The following DMD variants were observed in gnomAD, a reference collection of about 807,000 sequenced individuals.
The protein encoded by DMD is mutant dystrophin.
DMD carries 63 observed loss-of-function variants against 330.1 expected under a neutral mutation model. The ratio of observed to expected loss-of-function variants is 0.19; its 90% CI spans 0.16 to 0.24. The LOEUF (loss-of-function observed/expected upper bound fraction) is 0.24. DMD is among the 10% of genes least tolerant of loss of function. The pLI is 1.00. For synonymous variants in DMD, 1,223 were observed against 959.8 expected (o/e 1.27, Z -5.07); for missense variants, 3,344 against 2,684.1 (o/e 1.25, Z -5.43).
intron 7 of DMD, among the ~76,000 whole-genome samples, chrX:32,787,255 A>T (rs866097295): frequency 8.4e-4 from 87 of 103,171 alleles, no homozygotes; most frequent in African/African-American, 3.2e-3. Context: ...TGTGAGAGAG[A>T]GAGAGAGAGA....
intron 7 of DMD, among the ~76,000 whole-genome samples, chrX:32,780,823 A>G (rs924948598): frequency 1.8e-5 from 2 of 110,604 alleles, no homozygotes; most frequent in African/African-American, 6.6e-5. Context: ...CATTTGTTGT[A>G]CATTAAAAAA....
intron 16 of DMD, among the ~76,000 whole-genome samples, chrX:32,557,453 C>A (rs887554570): frequency 6.3e-5 from 7 of 111,903 alleles, no homozygotes; most frequent in Non-Finnish European, 1.9e-5. Flanking sequence ...AGTCAAAATA[C>A]ACTACACACA....
chrX:32,813,096 T>C (rs1718249743), intron 6 of DMD, among the ~76,000 whole-genome samples: 1 of 111,837 alleles, frequency 8.9e-6, no homozygotes. Flanking sequence ...ACTGAGTGTG[T>C]GGATATCTTA....
intron 43 of DMD, among the ~76,000 whole-genome samples, chrX:32,273,102 C>A (rs1390513499): frequency 9.0e-6 from 1 of 110,646 alleles, no homozygotes; most frequent in Non-Finnish European, 1.9e-5. Context: ...TATGGAGAAA[C>A]AGAAGAGTAG....
In DMD at chrX:31,169,528, T is replaced by C; in HGVS notation, c.10468A>G (p.Ser3490Gly). The change falls in exon 74 of 79, where the codon AGT becomes GGT. Residue 3490 changes from serine to glycine, a missense_variant. Coordinates refer to ENST00000357033, the MANE Select transcript of DMD (RefSeq NM_004006.3). ...AAGGAAATCAAGATCTGGGCAGGACTACGAGGCTGGCTCAGGGGGGAGTCC... is the reference window on the plus strand; with the variant it reads ...AAGGAAATCAAGATCTGGGCAGGACCACGAGGCTGGCTCAGGGGGGAGTCC... ...NQDSPLSQPR[S>G]PAQILISLES... 1 of 1,204,808 alleles carries C rather than the reference T, an allele frequency of 8.3e-7. No homozygotes were observed. The highest frequency in any genetic ancestry group is 1.1e-6 in the Non-Finnish European group (1 of 890,185).
chrX:32,443,283 T>C (rs1198415248), intron 27 of DMD, among the ~76,000 whole-genome samples: 1 of 111,320 alleles, frequency 9.0e-6, no homozygotes, highest in Non-Finnish European at 1.9e-5. Context: ...GTATTCGATC[T>C]CTATCTGATG....
chrX:31,715,542 CAAAAAA>C (rs34808252), intron 52 of DMD, among the ~76,000 whole-genome samples: 1 of 50,527 alleles, frequency 2.0e-5, no homozygotes, highest in Non-Finnish European at 3.6e-5. Flanking sequence ...AACTCCGTCT[CAAAAAA>C]AAAAAAAAAA....
chrX:31,761,526 A>G (rs2089590874), intron 51 of DMD, among the ~76,000 whole-genome samples: 1 of 112,224 alleles, frequency 8.9e-6, no homozygotes, highest in Non-Finnish European at 1.9e-5. Context: ...TAGAACTGGT[A>G]ATGTTTTTAT....
intron 7 of DMD, among the ~76,000 whole-genome samples, chrX:32,775,612 G>T (rs1469812821): frequency 1.8e-5 from 2 of 113,087 alleles, no homozygotes; most frequent in African/African-American, 6.4e-5. Flanking sequence ...GCCAAGGCTG[G>T]AGCTGAAGCA....
chrX:32,078,358 A>G (rs990664621), intron 44 of DMD, among the ~76,000 whole-genome samples: 3 of 111,897 alleles, frequency 2.7e-5, no homozygotes, highest in South Asian at 7.4e-4. Context: ...AGCCACTATC[A>G]TCTCTCACAC....
chrX:32,589,631 C>T (rs1179481865), intron 13 of DMD, among the ~76,000 whole-genome samples: 2 of 111,076 alleles, frequency 1.8e-5, no homozygotes, highest in African/African-American at 3.3e-5. Flanking sequence ...AAGTCAGACC[C>T]TTTGTATCTC....
chrX:32,584,628 T>C (rs1305424617), intron 13 of DMD, among the ~76,000 whole-genome samples: 2 of 112,157 alleles, frequency 1.8e-5, no homozygotes, highest in East Asian at 2.8e-4. Context: ...ATAGTGAATC[T>C]CACAAATATA....
chrX:32,012,119 G>T (rs1163910915), intron 44 of DMD, among the ~76,000 whole-genome samples: 1 of 111,820 alleles, frequency 8.9e-6, no homozygotes, highest in Non-Finnish European at 1.9e-5. Flanking sequence ...CTGAAATATT[G>T]CAATAGCCTA....
intron 2 of DMD, among the ~76,000 whole-genome samples, chrX:32,898,192 T>A (rs1476015537): frequency 8.9e-6 from 1 of 111,783 alleles, no homozygotes; most frequent in Non-Finnish European, 1.9e-5. Context: ...GACACTGGCG[T>A]TTTGGAAGTC....
chrX:31,664,529 C>CTTTTTTTTTTT (rs57706460), intron 53 of DMD, among the ~76,000 whole-genome samples: 2 of 63,786 alleles, frequency 3.1e-5, no homozygotes, highest in African/African-American at 6.9e-5. Context: ...AGTGTTCAAG[C>CTTTTTTTTTTT]TTTTTTTTTT....
intron 7 of DMD, among the ~76,000 whole-genome samples, chrX:32,779,280 A>T (rs1361683480): frequency 1.8e-5 from 2 of 109,404 alleles, no homozygotes; most frequent in Non-Finnish European, 3.8e-5. Flanking sequence ...TCATTACTAG[A>T]TGGGAACTGA....
At chrX:32,680,605 T>C (rs917126486) in intron 9 of DMD, among the ~76,000 whole-genome samples, 1 of 112,571 alleles carries the variant, frequency 8.9e-6, no homozygotes, top group Admixed American at 9.4e-5. Flanking sequence ...TCTCAAATTA[T>C]GAATGCCCAA....
chrX:31,250,008 A>G (rs1416192496), intron 63 of DMD, among the ~76,000 whole-genome samples: 1 of 110,476 alleles, frequency 9.1e-6, no homozygotes, highest in Non-Finnish European at 1.9e-5. Flanking sequence ...TTCCTTTTTG[A>G]CCACAGAGAA....
chrX:32,730,226 A>T (rs775971167), intron 7 of DMD, among the ~76,000 whole-genome samples: 1 of 112,341 alleles, frequency 8.9e-6, no homozygotes, highest in African/African-American at 3.2e-5. Flanking sequence ...TACACCTGCA[A>T]TTCTAGTTAC....
Sources: allele counts gnomAD v4.1 joint callset (sites outside exome capture counted in the v4.1 genomes callset), GRCh38; gene constraint gnomAD v4.1.1; transcripts MANE v1.5; gene names NCBI Gene and HGNC (gene_info 2026-07-23, HGNC 2026-07-21).